EWSR1: variants seen among roughly 807,000 people sequenced by gnomAD.
EWSR1 encodes RNA-binding protein EWS.
In EWSR1, 14 loss-of-function variants were observed where a neutral mutation model predicts 92.1. The observed-to-expected ratio is 0.15, with a 90% CI of 0.10 to 0.24. The LOEUF (loss-of-function observed/expected upper bound fraction) is 0.24, where lower values mean the gene tolerates loss of function less well. Ranked by LOEUF, EWSR1 falls within the 10% of genes least tolerant of loss-of-function variation. The probability of loss-of-function intolerance (pLI) is 1.00; values close to 1 mark genes in which losing one functional copy is unlikely to be tolerated. For missense variants in EWSR1, 637 were observed against 870.9 expected, an observed-to-expected ratio of 0.73 and a Z score of 3.38; for synonymous variants, 303 against 292.9, an observed-to-expected ratio of 1.03 and a Z score of -0.35.
chr22:29,298,379 G>A (rs907089772), intron 13 of EWSR1, among the ~76,000 whole-genome samples: 2 of 152,140 alleles, frequency 1.3e-5, no homozygotes, highest in South Asian at 2.1e-4. Flanking sequence ...GGTGGTGCAT[G>A]CCTGTAATCC....
intron 4 of EWSR1, among the ~76,000 whole-genome samples, chr22:29,275,420 T>G (rs2059027473): frequency 6.6e-6 from 1 of 152,216 alleles, no homozygotes; most frequent in South Asian, 2.1e-4. Flanking sequence ...GTACAGGTCA[T>G]TCTAGTTTAG....
At chr22:29,277,654 G>A (rs146246206) in intron 4 of EWSR1, 254 of 241,752 alleles carry the variant, frequency 1.1e-3, no homozygotes, top group African/African-American at 5.1e-3. Flanking sequence ...GGTATTTTGG[G>A]GTAAGTTTGT....
intron 8 of EWSR1, chr22:29,289,796 A>C (rs1378711228): frequency 4.3e-6 from 1 of 231,738 alleles, no homozygotes; most frequent in Non-Finnish European, 8.5e-6. Context: ...GAAAGACAGT[A>C]CTATTTTGCA....
intron 6 of EWSR1, among the ~76,000 whole-genome samples, chr22:29,284,606 A>AT (rs1160414753): frequency 1.3e-5 from 2 of 151,056 alleles, no homozygotes; most frequent in Non-Finnish European, 2.9e-5. Flanking sequence ...ATGGTGAGGG[A>AT]TGTGGTGTGT....
chr22:29,292,188 T>C lies in EWSR1; in HGVS notation c.1045+19T>C, dbSNP rs1480965209. Reference sequence around the variant, plus strand: ...GATCTAGGTAATTTTGAATTCTAGTTGTGCTTCATATCGTGCTTTGTAAAT... The same window carrying C: ...GATCTAGGTAATTTTGAATTCTAGTCGTGCTTCATATCGTGCTTTGTAAAT... On this transcript the variant is annotated intron_variant, in intron 10 of 16. Coordinates refer to ENST00000397938, the MANE Select transcript of EWSR1 (RefSeq NM_005243.4). 2.5e-6 allele frequency: 4 copies of C among 1,612,580 alleles called. No homozygotes were observed. Among genetic ancestry groups the C allele is most frequent in the Non-Finnish European group, 3.4e-6 (4 of 1,178,668 alleles).
intron 11 of EWSR1, among the ~76,000 whole-genome samples, chr22:29,294,955 A>C (rs1196503538): frequency 6.6e-6 from 1 of 151,968 alleles, no homozygotes; most frequent in African/African-American, 2.4e-5. Flanking sequence ...AATCTTATAT[A>C]AGGTGATTTC....
chr22:29,280,274 G>A (rs562764742), intron 5 of EWSR1, among the ~76,000 whole-genome samples: 17 of 152,236 alleles, frequency 1.1e-4, no homozygotes, highest in Non-Finnish European at 2.4e-4. Context: ...CACTATGTTG[G>A]CCAGGCTGGT....
intron 4 of EWSR1, among the ~76,000 whole-genome samples, chr22:29,275,242 A>C (rs2059012886): frequency 6.6e-6 from 1 of 152,198 alleles, no homozygotes; most frequent in African/African-American, 2.4e-5. Flanking sequence ...ATTTTTTAAA[A>C]CAAGCATGAT....
At chr22:29,298,924 C>G (rs373614244) in intron 14 of EWSR1, 29 bp downstream of exon 14, 27 of 1,520,872 alleles carry the variant, frequency 1.8e-5, no homozygotes, top group Non-Finnish European at 2.3e-5. Flanking sequence ...AAATTGATAC[C>G]CTACGAGTGA....
Position 29,290,319 on chromosome 22 carries a change from A to G in EWSR1, c.975-1243A>G. Reference sequence around the variant, plus strand: ...AGGTAAGGCACTCAATGTTGTTAACATGCCCTTTTTCATTGCCTCAGTATT... The same window carrying G: ...AGGTAAGGCACTCAATGTTGTTAACGTGCCCTTTTTCATTGCCTCAGTATT... On this transcript the variant is annotated intron_variant, in intron 8 of 16. Coordinates refer to ENST00000397938, the MANE Select transcript of EWSR1 (RefSeq NM_005243.4). 4 of 1,266,024 alleles carry G rather than the reference A, an allele frequency of 3.2e-6. No homozygotes were observed. In the South Asian group the frequency reaches 4.2e-5, roughly 13 times the overall value. The allele number at this position is 1,266,024 out of a possible 1,614,324, so 78.4% of individuals were successfully genotyped here. A position where few individuals can be genotyped will look rare whatever the true frequency, so the allele number is the denominator to read the frequency against.
chr22:29,299,381 CTTT>C, intron 15 of EWSR1, 50 bp downstream of exon 15: 2 of 1,575,024 alleles, frequency 1.3e-6, no homozygotes, highest in Non-Finnish European at 1.7e-6. Context: ...TGCTAAACCT[CTTT>C]TCTTATTTGT....
chr22:29,275,068 CT>C (rs131178), intron 4 of EWSR1, among the ~76,000 whole-genome samples: 152,356 of 152,356 alleles, frequency 1, 76,178 homozygotes, highest in Non-Finnish European at 1. Flanking sequence ...AATTCCTAAC[CT>C]CTTCTAGGGT....
chr22:29,276,704 CTG>C (rs1602251010), intron 4 of EWSR1: 1 of 230,674 alleles, frequency 4.3e-6, no homozygotes, highest in Non-Finnish European at 8.6e-6. Flanking sequence ...GATAGGGTCT[CTG>C]TTGCCTAGGC....
intron 1 of EWSR1, among the ~76,000 whole-genome samples, chr22:29,268,752 G>C (rs989146459): frequency 3.3e-5 from 5 of 152,250 alleles, no homozygotes; most frequent in African/African-American, 1.2e-4. Context: ...CCCGCAGGCT[G>C]CTGTCCCTGT....
chr22:29,292,400 T>G, intron 10 of EWSR1, 88 bp from the exon 11 acceptor site: 9 of 979,770 alleles, frequency 9.2e-6, no homozygotes, highest in Non-Finnish European at 1.4e-5. Context: ...AGATTTATGA[T>G]GAATATCCTT....
At position 29,298,908 on chromosome 22, in the gene EWSR1, C is replaced by T; in HGVS notation, c.1580+13C>T. 2.0e-6 allele frequency: 3 copies of T among 1,531,720 alleles called. No individual in the cohort carries two copies. The highest frequency in any genetic ancestry group is 2.6e-6 in the Non-Finnish European group (3 of 1,145,822). The allele number at this position is 1,531,720 out of a possible 1,614,324, so 94.9% of individuals were successfully genotyped here. On this transcript the variant is annotated intron_variant, in intron 14 of 16. Coordinates refer to ENST00000397938, the MANE Select transcript of EWSR1 (RefSeq NM_005243.4). ...AGTGTCCCAATCCGTATGTACTTGT[C>T]TTGGCAAATTGATACCCTACGAGTG...
In EWSR1 at chr22:29,269,239, G is replaced by T. The variant is rs2058438986; in HGVS notation, c.13+890G>T. ...GAGCCTTCATTTGAATTATGTTTCA[G>T]CAGTGGCCTCGCACGTTTATTCGCC... On this transcript the variant is annotated intron_variant, in intron 1 of 16. Coordinates refer to ENST00000397938, the MANE Select transcript of EWSR1 (RefSeq NM_005243.4). 2.6e-5 allele frequency: 4 copies of T among 152,354 alleles called. No homozygotes were observed. In the South Asian group the frequency reaches 8.3e-4, roughly 32 times the overall value. The allele number at this position is 152,354 out of a possible 1,614,324, so 9.4% of individuals were successfully genotyped here. A position where few individuals can be genotyped will look rare whatever the true frequency, so the allele number is the denominator to read the frequency against.
At position 29,282,485 on chromosome 22, in the gene EWSR1, A is replaced by G; in HGVS notation, c.509A>G (p.Tyr170Cys). 2 of 1,573,524 alleles carry G rather than the reference A, an allele frequency of 1.3e-6. No homozygotes were observed. Among genetic ancestry groups the G allele is most frequent in the Non-Finnish European group, 1.7e-6 (2 of 1,164,892 alleles). Residue 170 changes from tyrosine to cysteine, a missense_variant, in exon 6 of 17, where the codon TAC becomes TGC. This residue lies in a region of EWSR1 where 6 missense variants were observed against 30.3 expected (regional missense o/e 0.20). Transcript: ENST00000397938. ...AGCCTAGGATATGGACAGAGTAACT[A>G]CAGTTATCCCCAGGTACCTGGGAGC... ...QPSLGYGQSN[Y>C]SYPQVPGSYP...
intron 5 of EWSR1, among the ~76,000 whole-genome samples, chr22:29,278,578 A>G (rs1296502491): frequency 2.0e-5 from 3 of 151,762 alleles, no homozygotes; most frequent in African/African-American, 7.3e-5. Flanking sequence ...TAATCCCAGC[A>G]CTTTGGGAGG....
Sources: gnomAD v4.1 joint callset for allele counts (sites outside exome capture counted in the v4.1 genomes callset) on GRCh38, gnomAD v4.1.1 for gene constraint, gnomAD v4.1.1 regional missense constraint, MANE v1.5 for transcripts, NCBI Gene and HGNC (gene_info 2026-07-23, HGNC 2026-07-21) for gene names.